Variants in GANC observed in about 807,000 individuals in gnomAD.
GANC encodes the protein glucosidase alpha, neutral C.
Under a neutral mutation model 124.2 loss-of-function variants are expected in GANC, and 117 were observed. That is an observed-to-expected ratio of 0.94 (90% CI 0.81 to 1.10). The LOEUF (loss-of-function observed/expected upper bound fraction) is 1.10, where lower values mean the gene tolerates loss of function less well. GANC is among the 50% of genes least tolerant of loss of function. The probability of loss-of-function intolerance (pLI) is 0.00; values close to 1 mark genes in which losing one functional copy is unlikely to be tolerated. For missense variants in GANC, 1,140 were observed against 1,095.0 expected (o/e 1.04, Z -0.58); for synonymous variants, 377 against 376.8 (o/e 1.00, Z -0.01).
chr15:42,293,218 A>G (rs2051858926), intron 5 of GANC, among the ~76,000 whole-genome samples: 1 of 152,216 alleles, frequency 6.6e-6, no homozygotes, highest in African/African-American at 2.4e-5. Flanking sequence ...GTTAATGTGA[A>G]CTAGCATACC....
intron 6 of GANC, among the ~76,000 whole-genome samples, chr15:42,303,089 T>C (rs1341544651): frequency 1.3e-5 from 2 of 152,138 alleles, no homozygotes; most frequent in Non-Finnish European, 2.9e-5. Flanking sequence ...AAAAAAATGT[T>C]AAGGGCAGCC....
chr15:42,353,355 C>G lies in GANC; in HGVS notation c.*1216C>G. The G allele has an allele frequency of 2.0e-6, 2 of 986,062 alleles. No individual in the cohort carries two copies. The highest frequency in any genetic ancestry group is 2.4e-6 in the Non-Finnish European group (2 of 830,054). 61.1% of individuals were successfully genotyped at this position (986,062 alleles called of 1,614,324 possible). On this transcript the variant is annotated 3_prime_UTR_variant, in exon 24 of 24. Coordinates refer to ENST00000318010, the MANE Select transcript of GANC (RefSeq NM_198141.3). ...CTCCTGCCCTTACCATCCTTCCAGG[C>G]CCAACTTAAATCCCACTTTCCCATG...
intron 1 of GANC, among the ~76,000 whole-genome samples, chr15:42,274,729 A>G (rs2051640671): frequency 6.6e-6 from 1 of 152,122 alleles, no homozygotes; most frequent in Non-Finnish European, 1.5e-5. Flanking sequence ...ATCCCACAGC[A>G]CTTTGGGAGG....
intron 4 of GANC, among the ~76,000 whole-genome samples, chr15:42,289,493 C>G (rs1566950448): frequency 6.6e-6 from 1 of 152,180 alleles, no homozygotes; most frequent in African/African-American, 2.4e-5. Flanking sequence ...TACCTCAACC[C>G]TTCCCGTGAT....
chr15:42,296,841 TTC>T (rs2051896897), intron 5 of GANC, among the ~76,000 whole-genome samples: 2 of 151,814 alleles, frequency 1.3e-5, no homozygotes, highest in South Asian at 4.1e-4. Flanking sequence ...AATATTTTTT[TTC>T]TTTTTCCTTT....
intron 10 of GANC, among the ~76,000 whole-genome samples, chr15:42,320,679 C>T (rs1156847952): frequency 6.6e-6 from 1 of 152,074 alleles, no homozygotes; most frequent in Non-Finnish European, 1.5e-5. Flanking sequence ...GAACTCCTGA[C>T]TTCAAGTGAT....
At chr15:42,349,566 A>G in intron 22 of GANC, 71 bp downstream of exon 22, 1 of 861,170 alleles carries the variant, frequency 1.2e-6, no homozygotes, top group East Asian at 2.4e-5. Context: ...CCTCAAATCA[A>G]ATGCACAGGT....
In GANC at chr15:42,334,412, T is replaced by C. The variant is rs191482317; in HGVS notation, c.1741+3740T>C. 1.4e-3 allele frequency among the ~76,000 whole-genome samples: 210 copies of C among 152,308 alleles called. 3 individuals are homozygous for C. Among genetic ancestry groups the C allele is most frequent in the Admixed American group, 0.012 (188 of 15,284 alleles). On this transcript the variant is annotated intron_variant, in intron 15 of 23. Transcript: ENST00000318010. The stretch of plus-strand genomic sequence containing the variant: ...CTTGACCTCAAGTGATCTGCCCTCC[T>C]CGGCTTCACAAAGTGCTGGGATTAC...
At chr15:42,343,002 G>A (rs1449952350) in intron 18 of GANC, 76 bp from the exon 19 acceptor site, 3 of 1,198,802 alleles carry the variant, frequency 2.5e-6, no homozygotes, top group Non-Finnish European at 3.7e-6. Flanking sequence ...ATGATAGCTA[G>A]CACTCAGTTA....
chr15:42,326,493 A>G, intron 12 of GANC, 69 bp downstream of exon 12: 1 of 1,603,920 alleles, frequency 6.2e-7, no homozygotes. Context: ...CTGCGTGGTC[A>G]TCATTCTGCT....
At chr15:42,307,186 A>G (rs778392399) in intron 7 of GANC, among the ~76,000 whole-genome samples, 11 of 152,184 alleles carry the variant, frequency 7.2e-5, no homozygotes, top group African/African-American at 2.4e-4. Flanking sequence ...TCTGTAGAAT[A>G]ACAAACCCTT....
At chr15:42,274,643 T>TC (rs2051638537) in intron 1 of GANC, 133 bp downstream of exon 1, 8 of 859,478 alleles carry the variant, frequency 9.3e-6, no homozygotes, top group Non-Finnish European at 1.4e-5. Flanking sequence ...CGCGGGAAGT[T>TC]AGTTGATATT....
chr15:42,332,971 T>C (rs2052257619), intron 15 of GANC, among the ~76,000 whole-genome samples: 1 of 150,638 alleles, frequency 6.6e-6, no homozygotes, highest in African/African-American at 2.4e-5. Flanking sequence ...TGAGCAGAGA[T>C]CGTGCCATTG....
chr15:42,320,259 G>A (rs1431447987), intron 10 of GANC, among the ~76,000 whole-genome samples: 1 of 152,094 alleles, frequency 6.6e-6, no homozygotes, highest in East Asian at 1.9e-4. Flanking sequence ...TTTCAAATTA[G>A]GGATACTCAA....
At chr15:42,305,082 A>G (rs1053892568) in intron 6 of GANC, among the ~76,000 whole-genome samples, 5 of 152,236 alleles carry the variant, frequency 3.3e-5, no homozygotes, top group African/African-American at 1.2e-4. Context: ...ATCAAAAGTA[A>G]TAGCAACAAA....
chr15:42,313,396 C>T (rs1416677025), intron 10 of GANC, among the ~76,000 whole-genome samples: 2 of 152,150 alleles, frequency 1.3e-5, no homozygotes, highest in Non-Finnish European at 2.9e-5. Flanking sequence ...TTAGAATTCA[C>T]TAACATTAAA....
chr15:42,351,846 T>G (rs1257365430), intron 23 of GANC, among the ~76,000 whole-genome samples, 184 bp from the exon 24 acceptor site: 1 of 152,204 alleles, frequency 6.6e-6, no homozygotes. Context: ...AATCTTGCGG[T>G]CAAAACAATG....
intron 18 of GANC, among the ~76,000 whole-genome samples, chr15:42,341,827 G>GT (rs2052331148): frequency 6.6e-6 from 1 of 152,124 alleles, no homozygotes; most frequent in African/African-American, 2.4e-5. Flanking sequence ...GCCTTCCAAA[G>GT]TGCTGGGATT....
rs1566951137 is a variant in GANC at position 42,292,927 on chromosome 15, T to A, written c.512+10T>A. On this transcript the variant is annotated intron_variant, in intron 5 of 23. Transcript: ENST00000318010. ...TTCTTCACAAACAAAGGTATTCTTA[T>A]GCATTACTTGACACATAAAGACCTT... is the stretch of plus-strand genomic sequence containing the variant. 3 of 1,612,128 alleles carry A rather than the reference T, an allele frequency of 1.9e-6. No homozygotes were observed. Among genetic ancestry groups the A allele is most frequent in the Non-Finnish European group, 2.5e-6 (3 of 1,178,380 alleles).
Sources: allele counts gnomAD v4.1 joint callset (sites outside exome capture counted in the v4.1 genomes callset), GRCh38; gene constraint gnomAD v4.1.1; transcripts MANE v1.5; gene names NCBI Gene and HGNC (gene_info 2026-07-23, HGNC 2026-07-21).